QRSL1: variants seen among roughly 807,000 people sequenced by gnomAD.
QRSL1 encodes glutamyl-tRNA(Gln) amidotransferase subunit A, mitochondrial.
QRSL1 carries 54 observed loss-of-function variants against 61.6 expected under a neutral mutation model. The observed-to-expected ratio is 0.88, with a 90% CI of 0.70 to 1.10. The LOEUF is 1.10. Ranked by LOEUF, QRSL1 falls within the 50% of genes least tolerant of loss-of-function variation. The probability of loss-of-function intolerance (pLI) is 0.00; values close to 1 mark genes in which losing one functional copy is unlikely to be tolerated. For synonymous variants in QRSL1, 228 were observed against 225.7 expected (o/e 1.01, Z -0.09); for missense variants, 505 against 622.6 (o/e 0.81, Z 2.01).
In QRSL1 at chr6:106,638,344, GCC is replaced by G. The variant is rs199961918; in HGVS notation, c.25-2003_25-2002del. ...TTTGAGACAGAGTTTCGCTTTTGTT[GCC>G]CGGGTTGGAGTGCATTGGCACGATC... is the stretch of plus-strand genomic sequence containing the variant. On this transcript the variant is annotated intron_variant, in intron 1 of 10. Coordinates refer to ENST00000369046, the MANE Select transcript of QRSL1 (RefSeq NM_018292.5). Among the ~76,000 whole-genome samples the G allele has an allele frequency of 7.7e-3, 1,158 of 150,248 alleles. 15 individuals are homozygous for G. Among genetic ancestry groups the G allele is most frequent in the African/African-American group, 0.027 (1,122 of 40,874 alleles).
intron 7 of QRSL1, chr6:106,653,387 C>T (rs1310895248): frequency 6.6e-6 from 1 of 152,030 alleles, no homozygotes; most frequent in African/African-American, 2.4e-5. Flanking sequence ...CAAGTAGTAC[C>T]CCACCACCAA....
intron 7 of QRSL1, 182 bp downstream of exon 7, chr6:106,652,764 A>T (rs1777209916): frequency 6.6e-7 from 1 of 1,507,452 alleles, no homozygotes; most frequent in Non-Finnish European, 8.9e-7. Flanking sequence ...GGAATAATAA[A>T]AATACTGACT....
rs757794659 is a variant in QRSL1, at chr6:106,652,566, G to A, written c.833G>A (p.Cys278Tyr). 3.7e-6 allele frequency: 6 copies of A among 1,614,078 alleles called. No homozygotes were observed. Among genetic ancestry groups the A allele is most frequent in the Non-Finnish European group, 5.1e-6 (6 of 1,180,044 alleles). The stretch of plus-strand genomic sequence containing the variant: ...AGTTTGGCAGATGTGAGCAAACTAT[G>A]TATAGGAATTCCAAAGGTAACTTTT... ...LPSLADVSKL[C>Y]IGIPKEYLVP... Residue 278 changes from cysteine to tyrosine, a missense_variant, in exon 7 of 11, where the codon TGT becomes TAT. By Grantham distance (194) the Cys-to-Tyr change is radical. Transcript: ENST00000369046.
At chr6:106,649,288 C>A in intron 5 of QRSL1, 87 bp downstream of exon 5, 2 of 1,375,190 alleles carry the variant, frequency 1.5e-6, no homozygotes, top group Non-Finnish European at 9.9e-7. Context: ...TAGTTCATAT[C>A]CTGGTATTTT....
chr6:106,644,012 C>T lies in QRSL1; in HGVS notation c.380+922C>T, dbSNP rs144642662. ...TCAGCCTCCCAAGTAGCTGGGACTACAGGCATGCCCCACCATTCCCAGCTA... is the reference window on the plus strand; with the variant it reads ...TCAGCCTCCCAAGTAGCTGGGACTATAGGCATGCCCCACCATTCCCAGCTA... On this transcript the variant is annotated intron_variant, in intron 4 of 10. Coordinates refer to ENST00000369046, the MANE Select transcript of QRSL1 (RefSeq NM_018292.5). 7.2e-3 allele frequency among the ~76,000 whole-genome samples: 1,092 copies of T among 152,000 alleles called. 4 individuals carry two copies. Among genetic ancestry groups the T allele is most frequent in the Non-Finnish European group, 0.012 (817 of 67,982 alleles).
intron 9 of QRSL1, among the ~76,000 whole-genome samples, chr6:106,661,751 C>G (rs1220776438): frequency 7.5e-6 from 1 of 133,110 alleles, no homozygotes; most frequent in Non-Finnish European, 1.5e-5. Context: ...GTTTCCAGCT[C>G]TCCACGCTGG....
chr6:106,655,765 C>A, intron 9 of QRSL1, 33 bp downstream of exon 9: 1 of 1,309,972 alleles, frequency 7.6e-7, no homozygotes, highest in Non-Finnish European at 1.1e-6. Context: ...TTTCTTCATT[C>A]TTGAAACCTC....
At chr6:106,644,720 G>A (rs1163650679) in intron 4 of QRSL1, among the ~76,000 whole-genome samples, 4 of 151,914 alleles carry the variant, frequency 2.6e-5, no homozygotes, top group Admixed American at 6.6e-5. Flanking sequence ...GGGTTTCACC[G>A]CGTTGGCCAG....
At chr6:106,657,728 CAG>C (rs199602873) in intron 9 of QRSL1, among the ~76,000 whole-genome samples, 1,616 of 151,944 alleles carry the variant, frequency 0.011, 24 homozygotes, top group Non-Finnish European at 0.011. Context: ...ATTTTTGAGA[CAG>C]AGTCTCACTC....
chr6:106,640,030 T>A, intron 1 of QRSL1: 1 of 207,644 alleles, frequency 4.8e-6, no homozygotes, highest in Non-Finnish European at 9.7e-6. Flanking sequence ...TCAGCCATCC[T>A]TCACCCATGC....
At position 106,654,730 on chromosome 6, in the gene QRSL1, G is replaced by T. The variant is rs556493776; in HGVS notation, c.850G>T (p.Glu284Ter). The change falls in exon 8 of 11, where the codon GAA (glutamate) becomes TAA (stop). Residue 284 changes from glutamate (E) to a stop codon, truncating the protein, a stop_gained and splice_region_variant. Coordinates refer to ENST00000369046, the MANE Select transcript of QRSL1 (RefSeq NM_018292.5). LOFTEE classifies it high-confidence loss of function. ...TTGTATCTTGACTTTTTGCTATAAG[G>T]AATATCTTGTACCGGAATTATCAAG... Reference protein sequence around the residue: ...VSKLCIGIPKEYLVPELSSEV... With the variant: ...VSKLCIGIPK 3 of 1,604,212 alleles carry T rather than the reference G, an allele frequency of 1.9e-6. No homozygotes were observed. The highest frequency in any genetic ancestry group is 2.7e-5 in the African/African-American group (2 of 74,334).
At chr6:106,631,068 T>C (rs1776814923) in intron 1 of QRSL1, among the ~76,000 whole-genome samples, 1 of 151,946 alleles carries the variant, frequency 6.6e-6, no homozygotes, top group Non-Finnish European at 1.5e-5. Context: ...CTACTAAATA[T>C]ACAAAAAATT....
At chr6:106,654,438 T>G (rs952316256) in intron 7 of QRSL1, among the ~76,000 whole-genome samples, 1 of 150,914 alleles carries the variant, frequency 6.6e-6, no homozygotes, top group Non-Finnish European at 1.5e-5. Context: ...TGCTGTTAGG[T>G]TCCTGATACA....
rs918445566 is a variant in QRSL1 at position 106,655,704 on chromosome 6, C to T, written c.1132C>T (p.Leu378Phe). The T allele has an allele frequency of 5.0e-6, 8 of 1,612,266 alleles. No individual in the cohort carries two copies. In the Admixed American group the frequency reaches 1.0e-4, roughly 20 times the overall value. ...GFNDVVRGRI[L>F]SGNFFLLKEN... is the part of the protein sequence containing the mutation. Reference sequence around the variant, plus strand: ...TAATGATGTGGTGAGAGGAAGAATTCTCTCAGGAAACTTTTTCTTATTAAA... The same window carrying T: ...TAATGATGTGGTGAGAGGAAGAATTTTCTCAGGAAACTTTTTCTTATTAAA... Residue 378 changes from leucine to phenylalanine, a missense_variant, in exon 9 of 11, where the codon CTC (leucine) becomes TTC (phenylalanine). Leu to Phe is a conservative substitution (Grantham distance 22). Transcript: ENST00000369046.
chr6:106,664,458 G>A (rs1336992085), intron 10 of QRSL1, among the ~76,000 whole-genome samples: 2 of 152,190 alleles, frequency 1.3e-5, no homozygotes, highest in Non-Finnish European at 2.9e-5. Context: ...GGGTAGGTCT[G>A]CTGATGAAAA....
At chr6:106,639,135 T>TTTTTTTTG (rs1562165149) in intron 1 of QRSL1, among the ~76,000 whole-genome samples, 1 of 128,428 alleles carries the variant, frequency 7.8e-6, no homozygotes, top group East Asian at 2.1e-4. Flanking sequence ...TTTTTTTTTT[T>TTTTTTTTG]TTTTTTTTTT....
At position 106,654,931 on chromosome 6, in the gene QRSL1, G is replaced by T. The variant is rs1777244104; in HGVS notation, c.1042+9G>T. On this transcript the variant is annotated intron_variant, in intron 8 of 10. Coordinates refer to ENST00000369046, the MANE Select transcript of QRSL1 (RefSeq NM_018292.5). The stretch of plus-strand genomic sequence containing the variant: ...TGATGGGCTACAATATGGTAAGATG[G>T]CTGGGTTATTTTATTTTTAAGGTAG... 1 of 1,547,270 alleles carries T rather than the reference G, an allele frequency of 6.5e-7. No homozygotes were observed.
At chr6:106,640,683 A>G (rs1777003302) in intron 2 of QRSL1, 140 bp from the exon 3 acceptor site, 4 of 976,544 alleles carry the variant, frequency 4.1e-6, no homozygotes, top group African/African-American at 1.6e-5. Flanking sequence ...ATAATGTCCA[A>G]CTGTATTAAT....
In QRSL1 at chr6:106,655,745, A is replaced by T. The variant is rs1397384691; in HGVS notation, c.1160+13A>T. 1.3e-6 allele frequency: 2 copies of T among 1,497,562 alleles called. No individual in the cohort carries two copies. Among genetic ancestry groups the T allele is most frequent in the Non-Finnish European group, 1.9e-6 (2 of 1,076,066 alleles). The allele number at this position is 1,497,562 out of a possible 1,614,324, so 92.8% of individuals were successfully genotyped here. On this transcript the variant is annotated intron_variant, in intron 9 of 10. Coordinates refer to ENST00000369046, the MANE Select transcript of QRSL1 (RefSeq NM_018292.5). The stretch of plus-strand genomic sequence containing the variant: ...TCTTATTAAAAGAGTAAGACAACTC[A>T]TTTAGGAATTTTCTTCATTCTTGAA...
Sources: gnomAD v4.1 joint callset for allele counts (sites outside exome capture counted in the v4.1 genomes callset) on GRCh38, gnomAD v4.1.1 for gene constraint, MANE v1.5 for transcripts, NCBI Gene and HGNC (gene_info 2026-07-23, HGNC 2026-07-21) for gene names.